MAP7D1: variants seen among roughly 807,000 people sequenced by gnomAD.
MAP7D1 encodes the protein MAP7 domain containing 1, also known as MAP7 domain-containing protein 1.
MAP7D1 carries 30 observed loss-of-function variants against 97.5 expected under a neutral mutation model. That is an observed-to-expected ratio of 0.31 (90% CI 0.23 to 0.42). The LOEUF is 0.42. Ranked by LOEUF, MAP7D1 falls within the 10% of genes least tolerant of loss-of-function variation. MAP7D1 has a pLI of 1.00. For synonymous variants in MAP7D1, 536 were observed against 477.1 expected (o/e 1.12, Z -1.61); for missense variants, 1,184 against 1,179.5 (o/e 1.00, Z -0.06).
At chr1:36,156,487 C>T in intron 1 of MAP7D1, 24 bp downstream of exon 1, 1 of 1,445,338 alleles carries the variant, frequency 6.9e-7, no homozygotes. Flanking sequence ...CACGCGGAGG[C>T]GAGATGGGGG....
chr1:36,172,598 C>A lies in MAP7D1; in HGVS notation c.595C>A (p.Arg199=). Residue 199 remains arginine, a synonymous_variant, in exon 4 of 17, where the codon CGG becomes AGG. Transcript: ENST00000474796. ...GCAACGCCGTGCAGCCCTGGAGGAA[C>A]GGCAGCGGCAGAAGCTCGAGAAAAA... The part of the protein sequence containing the change: ...AEQRRAALEE[R]QRQKLEKNKE... 3 of 1,573,166 alleles carry A rather than the reference C, an allele frequency of 1.9e-6. No individual in the cohort carries two copies. The highest frequency in any genetic ancestry group is 2.6e-6 in the Non-Finnish European group (3 of 1,149,096).
At chr1:36,169,076 A>G (rs1484424272) in intron 1 of MAP7D1, among the ~76,000 whole-genome samples, 1 of 151,644 alleles carries the variant, frequency 6.6e-6, no homozygotes, top group African/African-American at 2.4e-5. Context: ...ACATGGTGAA[A>G]CGCCGTCTCT....
chr1:36,177,664 A>C (rs1251980306), intron 8 of MAP7D1: 1 of 810,006 alleles, frequency 1.2e-6, no homozygotes, highest in Non-Finnish European at 2.0e-6. Context: ...GGCGGGGGAC[A>C]TACAATAATC....
At chr1:36,169,077 C>G (rs947497167) in intron 1 of MAP7D1, among the ~76,000 whole-genome samples, 2 of 151,618 alleles carry the variant, frequency 1.3e-5, no homozygotes, top group Non-Finnish European at 2.9e-5. Flanking sequence ...CATGGTGAAA[C>G]GCCGTCTCTA....
rs10531948 is a variant in MAP7D1, at chr1:36,161,877, ATGTGTGTGTGTGTG to A, written c.46+5435_46+5448del. Among the ~76,000 whole-genome samples, 5 of 139,140 alleles carry A rather than the reference ATGTGTGTGTGTGTG, an allele frequency of 3.6e-5. No individual in the cohort carries two copies. In the East Asian group the frequency reaches 9.7e-4, roughly 27 times the overall value. The allele number at this position is 139,140 out of a possible 152,430, so 91.3% of individuals were successfully genotyped here. A position where few individuals can be genotyped will look rare whatever the true frequency, so the allele number is the denominator to read the frequency against. ...GTTTCCTCTGCATGTGTGTGTGTGT[ATGTGTGTGTGTGTG>A]TGTGTGTGTGTGTGTGTGTGAGAGA... On this transcript the variant is annotated intron_variant, in intron 1 of 16. Transcript: ENST00000474796.
At position 36,159,213 on chromosome 1, in the gene MAP7D1, G is replaced by A. The variant is rs1229706230; in HGVS notation, c.46+2750G>A. Among the ~76,000 whole-genome samples the A allele has an allele frequency of 4.6e-5, 7 of 151,888 alleles. No individual in the cohort carries two copies. Among genetic ancestry groups the A allele is most frequent in the African/African-American group, 4.8e-5 (2 of 41,464 alleles). Reference sequence around the variant, plus strand: ...GCTGGGATTACAGGCGCCTGCCACCGCGCCCGGCTAATTTTTGTATTTTTA... The same window carrying A: ...GCTGGGATTACAGGCGCCTGCCACCACGCCCGGCTAATTTTTGTATTTTTA... On this transcript the variant is annotated intron_variant, in intron 1 of 16. Coordinates refer to ENST00000474796, the MANE Select transcript of MAP7D1 (RefSeq NM_001388490.1). This position sits in a 1 kb window ranked among gnomAD's most constrained non-coding sequence, Gnocchi z 5.4.
chr1:36,173,809 T>G (rs1009604979), intron 5 of MAP7D1, among the ~76,000 whole-genome samples: 25 of 152,232 alleles, frequency 1.6e-4, no homozygotes, highest in African/African-American at 6.0e-4. Flanking sequence ...AAAGAAACTG[T>G]CACTCCTTGT....
intron 1 of MAP7D1, among the ~76,000 whole-genome samples, chr1:36,160,862 G>A (rs1644399468): frequency 6.6e-6 from 1 of 152,232 alleles, no homozygotes; most frequent in Non-Finnish European, 1.5e-5. Flanking sequence ...CTAAGCAGTT[G>A]AACCAGGAGG....
chr1:36,165,534 T>C (rs1644463359), intron 1 of MAP7D1, among the ~76,000 whole-genome samples: 1 of 151,060 alleles, frequency 6.6e-6, no homozygotes, highest in South Asian at 2.1e-4. Context: ...ATGCTCATAG[T>C]TCACTGTAAC....
chr1:36,178,008 G>T lies in MAP7D1; in HGVS notation c.1515G>T (p.Lys505Asn). 1 of 1,613,490 alleles carries T rather than the reference G, an allele frequency of 6.2e-7. No individual in the cohort carries two copies. Among genetic ancestry groups the T allele is most frequent in the Non-Finnish European group, 8.5e-7 (1 of 1,179,638 alleles). Residue 505 changes from lysine to asparagine, a missense_variant, in exon 9 of 17, where the codon AAG becomes AAT. Transcript: ENST00000474796. ...CCCGAGGCACCACTGCATCCCCCAA[G>T]GGGCGGGTTCGGAGGAAGGAGGAGG... The part of the protein sequence containing the change: ...PSPRGTTASP[K>N]GRVRRKEEAK...
chr1:36,178,211 AAG>A lies in MAP7D1; in HGVS notation c.1708+15_1708+16del. The A allele has an allele frequency of 6.5e-7, 1 of 1,540,462 alleles. No homozygotes were observed. Among genetic ancestry groups the A allele is most frequent in the Non-Finnish European group, 8.8e-7 (1 of 1,142,518 alleles). On this transcript the variant is annotated intron_variant, in intron 9 of 16. Transcript: ENST00000474796. ...GCGGAGACCCCTACAGGTAGGAATG[AAG>A]AGAGGGGAGGGGTGGGCCGAGCGAG...
chr1:36,174,391 G>A (rs983685060), intron 5 of MAP7D1, among the ~76,000 whole-genome samples: 8 of 152,214 alleles, frequency 5.3e-5, no homozygotes, highest in Admixed American at 4.6e-4. Flanking sequence ...TGTGCATGCC[G>A]AAGTATCTGC....
chr1:36,157,372 T>A (rs77795993), intron 1 of MAP7D1: 1 of 152,292 alleles, frequency 6.6e-6, no homozygotes, highest in Non-Finnish European at 1.5e-5. Context: ...CCTTACTCTC[T>A]TTTTTTCTCT....
At chr1:36,167,091 TGTC>T (rs1644483099) in intron 1 of MAP7D1, among the ~76,000 whole-genome samples, 1 of 152,092 alleles carries the variant, frequency 6.6e-6, no homozygotes, top group Admixed American at 6.6e-5. Flanking sequence ...CAAATTTGGT[TGTC>T]GTCAGCAGTG....
In MAP7D1 at chr1:36,174,830, A is replaced by G. The variant is rs1391672740; in HGVS notation, c.740-68A>G. The G allele has an allele frequency of 6.7e-6, 5 of 749,836 alleles. No individual in the cohort carries two copies. The East Asian group carries it at 1.4e-4, about 21-fold the overall frequency. 46.4% of individuals were successfully genotyped at this position (749,836 alleles called of 1,614,324 possible). On this transcript the variant is annotated intron_variant, in intron 5 of 16. Transcript: ENST00000474796. The stretch of plus-strand genomic sequence containing the variant: ...CCCGCCCTCGGAGCATCCTGCATGG[A>G]AGGCCTCGGTGCCCCCCACTGGCTC...
chr1:36,176,902 A>T lies in MAP7D1; in HGVS notation c.1379+60A>T. ...ACCGGGTCATTTATTCATCACCCAC[A>T]AATATTTGTTGGGCAACCACCTCTA... On this transcript the variant is annotated intron_variant, in intron 8 of 16. Coordinates refer to ENST00000474796, the MANE Select transcript of MAP7D1 (RefSeq NM_001388490.1). This position sits in a 1 kb window ranked among gnomAD's most constrained non-coding sequence, Gnocchi z 6.1. The T allele has an allele frequency of 1.4e-6, 2 of 1,429,964 alleles. No individual in the cohort carries two copies. The highest frequency in any genetic ancestry group is 1.9e-6 in the Non-Finnish European group (2 of 1,047,260). 88.6% of individuals were successfully genotyped at this position (1,429,964 alleles called of 1,614,324 possible). A position where few individuals can be genotyped will look rare whatever the true frequency, so the allele number is the denominator to read the frequency against.
rs1644656529 is a variant in MAP7D1, at chr1:36,178,134, T to C, written c.1641T>C (p.Pro547=). Residue 547 remains proline (P), a synonymous_variant, in exon 9 of 17, where the codon CCT becomes CCC. Coordinates refer to ENST00000474796, the MANE Select transcript of MAP7D1 (RefSeq NM_001388490.1). The part of the protein sequence containing the change: ...KESAAPASPA[P]SPAPSPTPAP... ...CAGCAGCCCCAGCCTCACCGGCACC[T>C]TCGCCGGCGCCCTCGCCCACCCCAG... 1.3e-6 allele frequency: 2 copies of C among 1,585,832 alleles called. No homozygotes were observed. The highest frequency in any genetic ancestry group is 1.7e-6 in the Non-Finnish European group (2 of 1,167,308).
At position 36,161,877 on chromosome 1, in the gene MAP7D1, A is replaced by ATGTGTGTGTG. The variant is rs10531948; in HGVS notation, c.46+5439_46+5448dup. Among the ~76,000 whole-genome samples the ATGTGTGTGTG allele has an allele frequency of 1.4e-4, 20 of 139,042 alleles. 1 individual carries two copies. Among genetic ancestry groups the ATGTGTGTGTG allele is most frequent in the African/African-American group, 5.3e-4 (19 of 35,820 alleles). 91.2% of individuals were successfully genotyped at this position (139,042 alleles called of 152,430 possible). A position where few individuals can be genotyped will look rare whatever the true frequency, so the allele number is the denominator to read the frequency against. Reference sequence around the variant, plus strand: ...GTTTCCTCTGCATGTGTGTGTGTGTATGTGTGTGTGTGTGTGTGTGTGTGT... The same window carrying ATGTGTGTGTG: ...GTTTCCTCTGCATGTGTGTGTGTGTATGTGTGTGTGTGTGTGTGTGTGTGTGTGTGTGTGT... On this transcript the variant is annotated intron_variant, in intron 1 of 16. Transcript: ENST00000474796.
intron 1 of MAP7D1, among the ~76,000 whole-genome samples, chr1:36,160,273 C>T (rs950579794): frequency 1.3e-5 from 2 of 152,224 alleles, no homozygotes; most frequent in African/African-American, 4.8e-5. Context: ...GTTTCCTCCA[C>T]CACTTCTCAG....
Sources: gnomAD v4.1 joint callset for allele counts (sites outside exome capture counted in the v4.1 genomes callset) on GRCh38, gnomAD v4.1.1 for gene constraint, Gnocchi (gnomAD v3.1) non-coding constraint, MANE v1.5 for transcripts, NCBI Gene and HGNC (gene_info 2026-07-23, HGNC 2026-07-21) for gene names.